Variants in SYMPK observed in about 807,000 individuals in gnomAD.
SYMPK encodes the protein symplekin scaffold protein, also known as symplekin.
In SYMPK, 49 loss-of-function variants were observed where a neutral mutation model predicts 136.4. That is an observed-to-expected ratio of 0.36 (90% CI 0.29 to 0.46). The LOEUF (loss-of-function observed/expected upper bound fraction) is 0.46, where lower values mean the gene tolerates loss of function less well. Among genes scored for constraint, SYMPK ranks in the 20% least tolerant of loss-of-function variants. The probability of loss-of-function intolerance (pLI) is 1.00; values close to 1 mark genes in which losing one functional copy is unlikely to be tolerated. For synonymous variants in SYMPK, 766 were observed against 713.0 expected, an observed-to-expected ratio of 1.07 and a Z score of -1.19; for missense variants, 1,365 against 1,690.0, an observed-to-expected ratio of 0.81 and a Z score of 3.37.
chr19:45,845,908 C>T (rs1291407375), intron 7 of SYMPK, among the ~76,000 whole-genome samples: 2 of 152,162 alleles, frequency 1.3e-5, no homozygotes, highest in Non-Finnish European at 2.9e-5. Flanking sequence ...TGAGACATTT[C>T]ATTGTAGTTT....
intron 3 of SYMPK, among the ~76,000 whole-genome samples, 196 bp downstream of exon 3, chr19:45,853,979 A>G (rs1971755544): frequency 6.6e-6 from 1 of 152,218 alleles, no homozygotes; most frequent in African/African-American, 2.4e-5. Context: ...TTCTTTCTGT[A>G]TAAAACAGGG....
intron 17 of SYMPK, among the ~76,000 whole-genome samples, chr19:45,825,682 C>T (rs1399395208): frequency 2.0e-5 from 3 of 152,224 alleles, no homozygotes; most frequent in Non-Finnish European, 4.4e-5. Context: ...GGCCCCGGCC[C>T]GCTGCTGCTC....
intron 23 of SYMPK, chr19:45,817,214 G>A: frequency 2.0e-6 from 1 of 508,796 alleles, no homozygotes; most frequent in Non-Finnish European, 3.4e-6. Flanking sequence ...TTTTACCAGA[G>A]CTCCCCCTGG....
In SYMPK at chr19:45,821,596, T is replaced by C; in HGVS notation, c.2792-111A>G. The C allele has an allele frequency of 1.4e-6, 1 of 710,316 alleles. No homozygotes were observed. The highest frequency in any genetic ancestry group is 2.7e-5 in the Admixed American group (1 of 37,350). The allele number at this position is 710,316 out of a possible 1,614,324, so 44.0% of individuals were successfully genotyped here. ...CTGCGAGCAAAGATGAGGTGCCCTCTGCTTTCAGGGCTGGAACAGGGGAAG... is the reference window on the plus strand; with the variant it reads ...CTGCGAGCAAAGATGAGGTGCCCTCCGCTTTCAGGGCTGGAACAGGGGAAG... On this transcript the variant is annotated intron_variant, in intron 21 of 26. Coordinates refer to ENST00000245934, the MANE Select transcript of SYMPK (RefSeq NM_004819.3). This position sits in a 1 kb window ranked among gnomAD's most constrained non-coding sequence, Gnocchi z 4.4.
At chr19:45,848,081 A>AT in intron 6 of SYMPK, 80 bp from the exon 7 acceptor site, 3 of 1,471,720 alleles carry the variant, frequency 2.0e-6, no homozygotes, top group Non-Finnish European at 2.7e-6. Context: ...CCCTCTGCCA[A>AT]TACCCAGAGA....
At chr19:45,854,055 T>A (rs11670136) in intron 3 of SYMPK, 120 bp downstream of exon 3, 1 of 948,030 alleles carries the variant, frequency 1.1e-6, no homozygotes, top group Non-Finnish European at 1.7e-6. Context: ...CACTGAGCAC[T>A]GTGGCCGGCA....
In SYMPK at chr19:45,816,117, G is replaced by A. The variant is rs993533890; in HGVS notation, c.3421C>T (p.Leu1141=). 10 of 1,555,276 alleles carry A rather than the reference G, an allele frequency of 6.4e-6. No individual in the cohort carries two copies. Among genetic ancestry groups the A allele is most frequent in the African/African-American group, 1.4e-5 (1 of 73,610 alleles). The change falls in exon 26 of 27, where the codon CTG becomes TTG. Residue 1141 remains leucine (L), a synonymous_variant. Coordinates refer to ENST00000245934, the MANE Select transcript of SYMPK (RefSeq NM_004819.3). The stretch of plus-strand genomic sequence containing the variant: ...AAGGCCTTCTCCTGGGCCAGTCGCA[G>A]GCCGATGAGGTCCTGAGGGGGCCGG... ...APRPPQDLIG[L]RLAQEKALKR...
intron 10 of SYMPK, 99 bp downstream of exon 10, chr19:45,838,362 A>G: frequency 7.3e-7 from 1 of 1,374,242 alleles, no homozygotes; most frequent in African/African-American, 1.5e-5. Context: ...TTAGGAGGGT[A>G]CTCTGGAGGA....
chr19:45,827,773 C>G (rs1971079527), intron 15 of SYMPK, 64 bp downstream of exon 15: 3 of 1,559,402 alleles, frequency 1.9e-6, no homozygotes, highest in South Asian at 1.1e-5. Context: ...GTGTGCCCTT[C>G]AGACCCCTCA....
At chr19:45,842,926 G>C (rs1474338069) in intron 8 of SYMPK, 1 of 172,950 alleles carries the variant, frequency 5.8e-6, no homozygotes, top group African/African-American at 2.4e-5. Context: ...AGTGAAAAAG[G>C]ATGCCTGTAA....
In SYMPK at chr19:45,831,591, G is replaced by A. The variant is rs1046900591; in HGVS notation, c.1394-3C>T. 17 of 1,584,498 alleles carry A rather than the reference G, an allele frequency of 1.1e-5. No homozygotes were observed. The highest frequency in any genetic ancestry group is 2.3e-5 in the South Asian group (2 of 86,198). On this transcript the variant is annotated splice_polypyrimidine_tract_variant and splice_region_variant and intron_variant, in intron 11 of 26. Coordinates refer to ENST00000245934, the MANE Select transcript of SYMPK (RefSeq NM_004819.3). ...GCACTGTTTGGTCTGCTCTACACCT[G>A]AGGGGGAGGCAGCAAACAGACACCC...
At chr19:45,854,879 CT>C (rs35065812) in intron 1 of SYMPK, 3,690 of 155,072 alleles carry the variant, frequency 0.024, no homozygotes, top group South Asian at 0.062. Context: ...AGCAAACTTT[CT>C]TTTTTTTTTT....
chr19:45,825,483 C>T (rs1450372103), intron 17 of SYMPK, 152 bp from the exon 18 acceptor site: 6 of 972,956 alleles, frequency 6.2e-6, no homozygotes, highest in East Asian at 2.7e-5. Flanking sequence ...AGGGAAATGG[C>T]GGGGACCAGG....
intron 9 of SYMPK, 96 bp from the exon 10 acceptor site, chr19:45,838,711 C>T (rs1971365390): frequency 3.7e-6 from 5 of 1,363,890 alleles, no homozygotes; most frequent in Non-Finnish European, 4.9e-6. Flanking sequence ...CTCTAGTCAG[C>T]CTCAGCAAAC....
At chr19:45,852,770 A>C (rs1971727667) in intron 3 of SYMPK, among the ~76,000 whole-genome samples, 2 of 152,160 alleles carry the variant, frequency 1.3e-5, no homozygotes, top group African/African-American at 2.4e-5. Flanking sequence ...AAGGGATGTT[A>C]GGAGGCTACA....
chr19:45,846,322 G>T (rs1354126185), intron 7 of SYMPK, among the ~76,000 whole-genome samples: 2 of 152,198 alleles, frequency 1.3e-5, no homozygotes, highest in African/African-American at 4.8e-5. Context: ...ATGGAATATG[G>T]TATAGCAACT....
chr19:45,838,134 C>T (rs1600513352), intron 10 of SYMPK, among the ~76,000 whole-genome samples: 1 of 151,938 alleles, frequency 6.6e-6, no homozygotes, highest in African/African-American at 2.4e-5. Context: ...CGAGTTGTCA[C>T]AAGATCTGGT....
chr19:45,834,087 A>C (rs1175669211), intron 11 of SYMPK, among the ~76,000 whole-genome samples: 1 of 152,190 alleles, frequency 6.6e-6, no homozygotes, highest in Non-Finnish European at 1.5e-5. Context: ...GGAGGTGGAG[A>C]CCATCCTGGC....
At chr19:45,838,721 C>T in intron 9 of SYMPK, 106 bp from the exon 10 acceptor site, 1 of 1,240,626 alleles carries the variant, frequency 8.1e-7, no homozygotes, top group Non-Finnish European at 1.1e-6. Context: ...CCTCAGCAAA[C>T]AGGAGCAAAC....
Sources: gnomAD v4.1 joint callset for allele counts (sites outside exome capture counted in the v4.1 genomes callset) on GRCh38, gnomAD v4.1.1 for gene constraint, Gnocchi (gnomAD v3.1) non-coding constraint, MANE v1.5 for transcripts, NCBI Gene and HGNC (gene_info 2026-07-23, HGNC 2026-07-21) for gene names.